Variants in UGT1A10 observed in about 807,000 individuals in gnomAD.
UGT1A10 encodes UDP-glucuronosyltransferase 1A10.
Under a neutral mutation model 45.8 loss-of-function variants are expected in UGT1A10, and 49 were observed. That is an observed-to-expected ratio of 1.07 (90% CI 0.85 to 1.36). The LOEUF is 1.36. Ranked by LOEUF, UGT1A10 falls within the 40% of genes most tolerant of loss-of-function variation. The pLI is 0.00. For missense variants in UGT1A10, 745 were observed against 668.6 expected, an observed-to-expected ratio of 1.11 and a Z score of -1.26; for synonymous variants, 284 against 249.7, an observed-to-expected ratio of 1.14 and a Z score of -1.29.
rs560254383 is a variant in UGT1A10, at chr2:233,682,429, C to G, written c.855+45052C>G. On this transcript the variant is annotated intron_variant, in intron 1 of 4. Transcript: ENST00000344644. Reference sequence around the variant, plus strand: ...TTGTTGCCAAATATTTCTCCCTCCCCTCTGTGGTCTTCGCCAGGGGAATAT... The same window carrying G: ...TTGTTGCCAAATATTTCTCCCTCCCGTCTGTGGTCTTCGCCAGGGGAATAT... 4.3e-6 allele frequency: 7 copies of G among 1,613,794 alleles called. No individual in the cohort carries two copies. In the African/African-American group the frequency reaches 9.3e-5, roughly 22 times the overall value.
At chr2:233,759,599 A>ACCCCCCCCCCCCCCCCC (rs1553620419) in intron 1 of UGT1A10, among the ~76,000 whole-genome samples, 1 of 108,732 alleles carries the variant, frequency 9.2e-6, no homozygotes, top group African/African-American at 3.3e-5. Flanking sequence ...CCCACCCCCG[A>ACCCCCCCCCCCCCCCCC]CCCGCCCCAC....
At chr2:233,726,988 C>A (rs926323067) in intron 1 of UGT1A10, among the ~76,000 whole-genome samples, 1 of 152,120 alleles carries the variant, frequency 6.6e-6, no homozygotes, top group Non-Finnish European at 1.5e-5. Context: ...TGATGAGGTT[C>A]TTTCTAGCAA....
chr2:233,765,890 G>A lies in UGT1A10; in HGVS notation c.856-1144G>A, dbSNP rs114846960. ...CGGGAGGGGCTCACTTTCTCAGTGC[G>A]CCACTGCTCAAACCTCTAGGGGAGC... On this transcript the variant is annotated intron_variant, in intron 1 of 4. Coordinates refer to ENST00000344644, the MANE Select transcript of UGT1A10 (RefSeq NM_019075.4). Among the ~76,000 whole-genome samples, 153 of 152,130 alleles carry A rather than the reference G, an allele frequency of 1.0e-3. 1 individual carries two copies. The highest frequency in any genetic ancestry group is 3.4e-3 in the African/African-American group (143 of 41,508).
intron 1 of UGT1A10, chr2:233,693,698 C>A (rs2075175410): frequency 6.2e-7 from 1 of 1,614,222 alleles, no homozygotes; most frequent in Non-Finnish European, 8.5e-7. Context: ...GTATGAAGAA[C>A]TCGCATCAGC....
chr2:233,724,273 T>C (rs1575551311), intron 1 of UGT1A10, among the ~76,000 whole-genome samples: 1 of 120,344 alleles, frequency 8.3e-6, no homozygotes, highest in African/African-American at 3.2e-5. Context: ...ACGGGGCGGC[T>C]GGCCGGGCGG....
chr2:233,666,287 C>T (rs1252300394), intron 1 of UGT1A10, among the ~76,000 whole-genome samples: 1 of 152,194 alleles, frequency 6.6e-6, no homozygotes, highest in Non-Finnish European at 1.5e-5. Flanking sequence ...TCCTGCTAAG[C>T]CCCACTTTCA....
chr2:233,771,091 C>CAGG (rs1700235837), intron 4 of UGT1A10: 1 of 152,122 alleles, frequency 6.6e-6, no homozygotes, highest in African/African-American at 2.4e-5. Flanking sequence ...AACTCACTAT[C>CAGG]AGGAAGACAG....
At chr2:233,738,315 GTGAA>G (rs1690761880) in intron 1 of UGT1A10, among the ~76,000 whole-genome samples, 1 of 152,192 alleles carries the variant, frequency 6.6e-6, no homozygotes, top group African/African-American at 2.4e-5. Context: ...ATAGCAGTGT[GTGAA>G]TGGACTAATA....
chr2:233,701,273 T>A (rs1241801591), intron 1 of UGT1A10, among the ~76,000 whole-genome samples: 2 of 152,178 alleles, frequency 1.3e-5, no homozygotes, highest in African/African-American at 4.8e-5. Context: ...TTTCTAGTTC[T>A]AGATCCTTGA....
intron 1 of UGT1A10, among the ~76,000 whole-genome samples, chr2:233,685,161 A>T (rs1381335306): frequency 6.6e-6 from 1 of 152,142 alleles, no homozygotes; most frequent in African/African-American, 2.4e-5. Flanking sequence ...TTTAACAAGG[A>T]TGGTAGATCA....
intron 1 of UGT1A10, among the ~76,000 whole-genome samples, chr2:233,644,077 T>A (rs982944490): frequency 6.6e-6 from 1 of 152,128 alleles, no homozygotes; most frequent in African/African-American, 2.4e-5. Context: ...TATGTCATAC[T>A]CCCCTTTACC....
Position 233,768,419 on chromosome 2 carries a change from A to G in UGT1A10, c.1275A>G (p.Lys425=), listed in dbSNP as rs766292651. ...CTGAAGATTTAGAAAATGCTCTAAA[A>G]GCAGTCATCAATGACAAAAGGTAAG... The part of the protein sequence containing the change: ...MTSEDLENAL[K]AVINDKSYKE... Residue 425 remains lysine (K), a synonymous_variant, in exon 4 of 5, where the codon AAA becomes AAG. Transcript: ENST00000344644. 1 of 1,614,170 alleles carries G rather than the reference A, an allele frequency of 6.2e-7. No individual in the cohort carries two copies. Among genetic ancestry groups the G allele is most frequent in the Non-Finnish European group, 8.5e-7 (1 of 1,180,020 alleles).
intron 1 of UGT1A10, among the ~76,000 whole-genome samples, chr2:233,692,668 A>G (rs1449549810): frequency 1.3e-5 from 2 of 152,184 alleles, no homozygotes; most frequent in African/African-American, 4.8e-5. Flanking sequence ...TTCGGGATAG[A>G]GAATTGGCAG....
chr2:233,754,995 C>G (rs769077985), intron 1 of UGT1A10: 1 of 1,295,418 alleles, frequency 7.7e-7, no homozygotes, highest in Non-Finnish European at 1.0e-6. Flanking sequence ...GTCACGGAAG[C>G]TGAAGACCTA....
chr2:233,679,713 CA>C (rs1158480867), intron 1 of UGT1A10, among the ~76,000 whole-genome samples: 1 of 152,142 alleles, frequency 6.6e-6, no homozygotes, highest in African/African-American at 2.4e-5. Flanking sequence ...GTTATCTGGA[CA>C]ATTTTAAAGC....
intron 1 of UGT1A10, among the ~76,000 whole-genome samples, chr2:233,732,854 T>C (rs1024629141): frequency 3.3e-5 from 5 of 151,658 alleles, no homozygotes; most frequent in African/African-American, 9.7e-5. Context: ...TGTGAAGTCA[T>C]TGGTAGCTTG....
At chr2:233,748,210 C>T in intron 1 of UGT1A10, 1 of 1,497,674 alleles carries the variant, frequency 6.7e-7, no homozygotes, top group Non-Finnish European at 9.0e-7. Flanking sequence ...TAATAGCCTT[C>T]AGTGAGATAA....
At chr2:233,695,316 G>A (rs2075280466) in intron 1 of UGT1A10, among the ~76,000 whole-genome samples, 1 of 151,812 alleles carries the variant, frequency 6.6e-6, no homozygotes, top group African/African-American at 2.4e-5. Flanking sequence ...AGTAGAGGCG[G>A]GGTTTCACCA....
At chr2:233,730,104 T>G in intron 1 of UGT1A10, 1 of 1,577,736 alleles carries the variant, frequency 6.3e-7, no homozygotes, top group Non-Finnish European at 8.6e-7. Flanking sequence ...ATATTTCATT[T>G]CTGCTTCTCC....
Sources: allele counts gnomAD v4.1 joint callset (sites outside exome capture counted in the v4.1 genomes callset), GRCh38; gene constraint gnomAD v4.1.1; transcripts MANE v1.5; gene names NCBI Gene and HGNC (gene_info 2026-07-23, HGNC 2026-07-21).